EHD1: variants seen among roughly 807,000 people sequenced by gnomAD.
EHD1 encodes EH domain containing 1, also known as EH domain-containing protein 1.
EHD1 carries 19 observed loss-of-function variants against 39.0 expected under a neutral mutation model. The ratio of observed to expected loss-of-function variants is 0.49; its 90% confidence interval spans 0.34 to 0.72. The LOEUF is 0.72. EHD1 is among the 30% of genes least tolerant of loss of function. The pLI is 0.01. For missense variants in EHD1, 542 were observed against 751.5 expected, an observed-to-expected ratio of 0.72 and a Z score of 3.26; for synonymous variants, 323 against 331.2, an observed-to-expected ratio of 0.98 and a Z score of 0.27.
chr11:64,870,137 G>A (rs1288223265), intron 2 of EHD1, among the ~76,000 whole-genome samples: 2 of 152,216 alleles, frequency 1.3e-5, no homozygotes, highest in African/African-American at 4.8e-5. Context: ...TCCATTTCAG[G>A]ACTGGAGTCT....
intron 2 of EHD1, among the ~76,000 whole-genome samples, chr11:64,864,169 G>C (rs1464551419): frequency 6.6e-6 from 1 of 152,214 alleles, no homozygotes; most frequent in Non-Finnish European, 1.5e-5. Context: ...CAGCCCCGAG[G>C]GCCAAGCTTC....
rs997287364 is a variant in EHD1 at position 64,853,985 on chromosome 11, C to A, written c.*348G>T. On this transcript the variant is annotated 3_prime_UTR_variant, in exon 5 of 5. Coordinates refer to ENST00000320631, the MANE Select transcript of EHD1 (RefSeq NM_006795.4). Reference sequence around the variant, plus strand: ...TGCCAAAAGGGCGACCTGGCTCCCCCACGGTCGCAGTCGCTGCACTGTCCA... The same window carrying A: ...TGCCAAAAGGGCGACCTGGCTCCCCAACGGTCGCAGTCGCTGCACTGTCCA... 1.4e-4 allele frequency: 42 copies of A among 309,590 alleles called. No individual in the cohort carries two copies. Among genetic ancestry groups the A allele is most frequent in the Non-Finnish European group, 2.0e-4 (33 of 164,540 alleles). 19.2% of individuals were successfully genotyped at this position (309,590 alleles called of 1,614,324 possible).
chr11:64,864,889 C>T (rs549173284), intron 2 of EHD1, among the ~76,000 whole-genome samples: 4 of 152,104 alleles, frequency 2.6e-5, no homozygotes, highest in African/African-American at 9.7e-5. Flanking sequence ...CCCACTCCCC[C>T]CTCCCCCTGG....
Position 64,860,173 on chromosome 11 carries a change from G to A in EHD1, c.666C>T (p.Asp222=), listed in dbSNP as rs1565718112. 1.2e-6 allele frequency: 2 copies of A among 1,614,170 alleles called. No individual in the cohort carries two copies. The highest frequency in any genetic ancestry group is 1.1e-5 in the South Asian group (1 of 91,088). The change falls in exon 3 of 5, where the codon GAC becomes GAT. Residue 222 remains aspartate, a synonymous_variant. Transcript: ENST00000320631. The stretch of plus-strand genomic sequence containing the variant: ...GCATCAGCTGCTGCGTCTCGATCTG[G>A]TCTGCCTTGTTCAGCACCACGCGGA... ...DKIRVVLNKA[D]QIETQQLMRV...
At chr11:64,867,789 A>G (rs147841519) in intron 2 of EHD1, among the ~76,000 whole-genome samples, 2 of 152,374 alleles carry the variant, frequency 1.3e-5, no homozygotes, top group East Asian at 1.9e-4. Context: ...TTTTATCACA[A>G]TTTTTAAAAA....
chr11:64,870,946 G>A lies in EHD1; in HGVS notation c.502+3475C>T, dbSNP rs577760868. On this transcript the variant is annotated intron_variant, in intron 2 of 4. Coordinates refer to ENST00000320631, the MANE Select transcript of EHD1 (RefSeq NM_006795.4). ...GAGACCCCAACCCGGCCCCCTTCTC[G>A]TCCCTGAGGCAGTCCTCAGGGGTCC... Among the ~76,000 whole-genome samples the A allele has an allele frequency of 3.9e-5, 6 of 152,124 alleles. No individual in the cohort carries two copies. The South Asian group carries it at 8.3e-4, about 21-fold the overall frequency.
At chr11:64,864,329 C>T (rs1190733450) in intron 2 of EHD1, among the ~76,000 whole-genome samples, 1 of 152,248 alleles carries the variant, frequency 6.6e-6, no homozygotes, top group Non-Finnish European at 1.5e-5. Context: ...GGGCATCGTG[C>T]CAGGGCACCT....
intron 2 of EHD1, among the ~76,000 whole-genome samples, chr11:64,866,824 T>G (rs1943772176): frequency 6.6e-6 from 1 of 152,174 alleles, no homozygotes; most frequent in Non-Finnish European, 1.5e-5. Flanking sequence ...CTAAAAGTTT[T>G]TTTAAAACAT....
intron 2 of EHD1, among the ~76,000 whole-genome samples, chr11:64,863,153 C>G (rs1943732965): frequency 6.6e-6 from 1 of 152,156 alleles, no homozygotes; most frequent in Non-Finnish European, 1.5e-5. Context: ...AGAGAGCAGT[C>G]AGGCTCCGGA....
Position 64,878,528 on chromosome 11 carries a change from G to A in EHD1, c.-64C>T, listed in dbSNP as rs763849937. 1.3e-6 allele frequency: 2 copies of A among 1,510,516 alleles called. No individual in the cohort carries two copies. Among genetic ancestry groups the A allele is most frequent in the Non-Finnish European group, 1.8e-6 (2 of 1,133,872 alleles). 93.6% of individuals were successfully genotyped at this position (1,510,516 alleles called of 1,614,324 possible). On this transcript the variant is annotated 5_prime_UTR_variant, in exon 1 of 5. Transcript: ENST00000320631. ...GCGGCTGAGAGCGGGGCGAGGGTGCGGAGCCGAGGCGGGGCCGGCCGGGGC... is the reference window on the plus strand; with the variant it reads ...GCGGCTGAGAGCGGGGCGAGGGTGCAGAGCCGAGGCGGGGCCGGCCGGGGC...
chr11:64,872,204 C>T (rs1943837390), intron 2 of EHD1, among the ~76,000 whole-genome samples: 1 of 152,198 alleles, frequency 6.6e-6, no homozygotes, highest in Admixed American at 6.5e-5. Context: ...GAGTTCAAGG[C>T]TGTGATGATG....
upstream of EHD1, chr11:64,878,867 C>A (rs1450144728): frequency 2.8e-6 from 3 of 1,077,716 alleles, no homozygotes; most frequent in Non-Finnish European, 3.4e-6. Context: ...GGGAGGCTCG[C>A]GAAAGTGCTG....
intron 1 of EHD1, among the ~76,000 whole-genome samples, chr11:64,875,275 G>A (rs1943873047): frequency 6.6e-6 from 1 of 152,252 alleles, no homozygotes; most frequent in Admixed American, 6.5e-5. Context: ...GAAAGGCCAG[G>A]CGTGGTGGCT....
rs1592757383 is a variant in EHD1, at chr11:64,878,581, C to G, written c.-117G>C. 4.8e-6 allele frequency: 7 copies of G among 1,444,266 alleles called. No individual in the cohort carries two copies. The East Asian group carries it at 1.8e-4, about 36-fold the overall frequency. The allele number at this position is 1,444,266 out of a possible 1,614,324, so 89.5% of individuals were successfully genotyped here. A position where few individuals can be genotyped will look rare whatever the true frequency, so the allele number is the denominator to read the frequency against. ...GGAATCGGGAGCGACCCACACTGCG[C>G]AGGCGCACAGCCCAGCCCGTCGAAG... On this transcript the variant is annotated 5_prime_UTR_variant, in exon 1 of 5. Coordinates refer to ENST00000320631, the MANE Select transcript of EHD1 (RefSeq NM_006795.4).
intron 2 of EHD1, among the ~76,000 whole-genome samples, chr11:64,871,332 C>T (rs1179365031): frequency 6.6e-6 from 1 of 152,198 alleles, no homozygotes; most frequent in East Asian, 1.9e-4. Flanking sequence ...GAACGCACTG[C>T]TCCACTCCGA....
chr11:64,878,103 G>A lies in EHD1; in HGVS notation c.362C>T (p.Pro121Leu), dbSNP rs1412002967. The change falls in exon 1 of 5, where the codon CCC becomes CTC. Residue 121 changes from proline to leucine, a missense_variant. Coordinates refer to ENST00000320631, the MANE Select transcript of EHD1 (RefSeq NM_006795.4). ...GCCAAACGCGTTGAGCTTGCGGAAG[G>A]GGCGCCGCGGGTCCACCACGAGCGC... ...GNALVVDPRRPFRKLNAFGNA... is the reference protein window; with the variant it reads ...GNALVVDPRRLFRKLNAFGNA... The A allele has an allele frequency of 2.6e-6, 4 of 1,543,006 alleles. No homozygotes were observed. The highest frequency in any genetic ancestry group is 2.6e-6 in the Non-Finnish European group (3 of 1,144,040).
At chr11:64,860,683 C>T (rs1189560094) in intron 2 of EHD1, among the ~76,000 whole-genome samples, 1 of 146,484 alleles carries the variant, frequency 6.8e-6, no homozygotes, top group Non-Finnish European at 1.5e-5. Context: ...CATGCCACCG[C>T]ACTCTAGCCT....
intron 1 of EHD1, among the ~76,000 whole-genome samples, chr11:64,876,539 C>T (rs988904570): frequency 6.6e-5 from 10 of 152,222 alleles, no homozygotes; most frequent in African/African-American, 2.2e-4. Flanking sequence ...TGCTCTTTTT[C>T]GGGTAGAAGC....
intron 2 of EHD1, among the ~76,000 whole-genome samples, chr11:64,866,713 C>T (rs1387915644): frequency 6.6e-6 from 1 of 151,826 alleles, no homozygotes; most frequent in Non-Finnish European, 1.5e-5. Flanking sequence ...AACTACCTAT[C>T]AGATACTACG....
Sources: allele counts gnomAD v4.1 joint callset (sites outside exome capture counted in the v4.1 genomes callset), GRCh38; gene constraint gnomAD v4.1.1; transcripts MANE v1.5; gene names NCBI Gene and HGNC (gene_info 2026-07-23, HGNC 2026-07-21).